Variants in TNC observed in about 807,000 individuals in gnomAD.
The protein encoded by TNC is tenascin C.
TNC carries 109 observed loss-of-function variants against 202.4 expected under a neutral mutation model. The ratio of observed to expected loss-of-function variants is 0.54; its 90% CI spans 0.46 to 0.63. The LOEUF is 0.63. Among genes scored for constraint, TNC ranks in the 30% least tolerant of loss-of-function variants. TNC has a pLI of 0.00. For synonymous variants in TNC, 1,007 were observed against 1,089.7 expected (o/e 0.92, Z 1.50); for missense variants, 2,756 against 2,833.3 (o/e 0.97, Z 0.62).
At chr9:115,058,077 T>G (rs770387087) in intron 14 of TNC, among the ~76,000 whole-genome samples, 7 of 152,234 alleles carry the variant, frequency 4.6e-5, no homozygotes, top group Admixed American at 4.6e-4. Flanking sequence ...TCTTAACTGC[T>G]GCTATGTGGG....
At chr9:115,046,311 G>A in intron 17 of TNC, 99 bp downstream of exon 17, 2 of 1,387,264 alleles carry the variant, frequency 1.4e-6, no homozygotes, top group Non-Finnish European at 2.0e-6. Flanking sequence ...CAGAGCGCCA[G>A]CCTGCCTGCA....
chr9:115,070,183 G>A (rs1833358271), intron 10 of TNC, among the ~76,000 whole-genome samples: 1 of 152,148 alleles, frequency 6.6e-6, no homozygotes, highest in South Asian at 2.1e-4. Flanking sequence ...AGTTTCACAA[G>A]GAAACCTAGA....
intron 2 of TNC, among the ~76,000 whole-genome samples, chr9:115,087,724 C>CA (rs1834902746): frequency 1.7e-5 from 2 of 121,210 alleles, no homozygotes; most frequent in African/African-American, 6.5e-5. Context: ...TTTTTTGAGA[C>CA]AGAGTCTTGC....
intron 19 of TNC, 96 bp downstream of exon 19, chr9:115,040,845 G>T: frequency 6.9e-7 from 1 of 1,439,074 alleles, no homozygotes. Context: ...GCTGAGTCAT[G>T]AGCTACAAGG....
intron 13 of TNC, among the ~76,000 whole-genome samples, chr9:115,062,679 T>G (rs1437966462): frequency 6.6e-6 from 1 of 151,504 alleles, no homozygotes; most frequent in Non-Finnish European, 1.5e-5. Context: ...ACACACTATA[T>G]ATATAAGTAT....
intron 12 of TNC, 114 bp downstream of exon 12, chr9:115,063,682 G>A: frequency 1.7e-6 from 2 of 1,152,596 alleles, no homozygotes; most frequent in African/African-American, 1.5e-5. Flanking sequence ...ATGATTCACT[G>A]GTATTTCCCC....
At chr9:115,087,669 C>T (rs1431009845) in intron 2 of TNC, among the ~76,000 whole-genome samples, 1 of 149,886 alleles carries the variant, frequency 6.7e-6, no homozygotes, top group Non-Finnish European at 1.5e-5. Context: ...ATGCATTAGG[C>T]TGGGGCTATG....
At chr9:115,054,211 G>A in intron 15 of TNC, among the ~76,000 whole-genome samples, 1 of 152,098 alleles carries the variant, frequency 6.6e-6, no homozygotes, top group East Asian at 1.9e-4. Flanking sequence ...AGGAAAGAAG[G>A]GGCTCATTTG....
intron 21 of TNC, 87 bp from the exon 22 acceptor site, chr9:115,035,421 A>G: frequency 7.0e-7 from 1 of 1,424,188 alleles, no homozygotes; most frequent in Non-Finnish European, 9.5e-7. Context: ...ACTGGGTTCA[A>G]GTCCTTTCCC....
At position 115,046,626 on chromosome 9, in the gene TNC, G is replaced by A. The variant is rs1831218065; in HGVS notation, c.4909C>T (p.Arg1637Cys). The change falls in exon 17 of 28, where the codon CGT becomes TGT. Residue 1637 changes from arginine to cysteine, a missense_variant. Around this residue, in one of 2 missense-constraint regions of TNC, gnomAD observed 2,559 missense variants for 2,546.0 expected, o/e 1.01. Coordinates refer to ENST00000350763, the MANE Select transcript of TNC (RefSeq NM_002160.4). The stretch of plus-strand genomic sequence containing the variant: ...CCTTCATCAGCTGTCCAGGACAGAC[G>A]GAAACCGTCTGGGGTGGCATCTGAA... The part of the protein sequence containing the change: ...LVSDATPDGF[R>C]LSWTADEGVF... 1 of 1,613,950 alleles carries A rather than the reference G, an allele frequency of 6.2e-7. No homozygotes were observed.
intron 9 of TNC, among the ~76,000 whole-genome samples, chr9:115,075,779 A>G (rs996428536): frequency 2.0e-5 from 3 of 152,130 alleles, no homozygotes; most frequent in Non-Finnish European, 4.4e-5. Context: ...GCGATACTCC[A>G]TCTCAACAAC....
Position 115,026,623 on chromosome 9 carries a change from T to TC in TNC, c.6241dup (p.Glu2081GlyfsTer8). Reference sequence around the variant, plus strand: ...CTTGTCATAGACAGCAAAGGCTGTCTCCCCATGGTCCCGCAGGTCCACCCG... The same window carrying TC: ...CTTGTCATAGACAGCAAAGGCTGTCTCCCCCATGGTCCCGCAGGTCCACCCG... On this transcript the variant is annotated frameshift_variant, in exon 26 of 28. Coordinates refer to ENST00000350763, the MANE Select transcript of TNC (RefSeq NM_002160.4). LOFTEE classifies it high-confidence loss of function. The TC allele has an allele frequency of 1.2e-6, 2 of 1,613,974 alleles. No individual in the cohort carries two copies. The highest frequency in any genetic ancestry group is 1.7e-6 in the Non-Finnish European group (2 of 1,179,990).
In TNC at chr9:115,026,740, G is replaced by A. The variant is rs1829514818; in HGVS notation, c.6170-45C>T. On this transcript the variant is annotated intron_variant, in intron 25 of 27. Transcript: ENST00000350763. ...GTTGCTAAGAAGCACAGGTGACTGAGGCCCTCATTTCTATTTCACTCTGTA... is the reference window on the plus strand; with the variant it reads ...GTTGCTAAGAAGCACAGGTGACTGAAGCCCTCATTTCTATTTCACTCTGTA... The A allele has an allele frequency of 1.9e-6, 3 of 1,601,180 alleles. No individual in the cohort carries two copies. In the African/African-American group the frequency reaches 4.0e-5, roughly 21 times the overall value.
At chr9:115,089,478 ATCTCTCTCTCTC>A (rs34987920) in intron 2 of TNC, among the ~76,000 whole-genome samples, 11 of 148,524 alleles carry the variant, frequency 7.4e-5, no homozygotes, top group Admixed American at 2.0e-4. Context: ...CAAAATCCCT[ATCTCTCTCTCTC>A]TCTCTCTCTC....
At chr9:115,110,170 T>C (rs1259013981) in intron 1 of TNC, among the ~76,000 whole-genome samples, 2 of 152,062 alleles carry the variant, frequency 1.3e-5, no homozygotes, top group Non-Finnish European at 2.9e-5. Context: ...GTGAAAAACA[T>C]AAAAAAGGAT....
At chr9:115,057,791 T>G (rs1486438228) in intron 14 of TNC, among the ~76,000 whole-genome samples, 1 of 152,206 alleles carries the variant, frequency 6.6e-6, no homozygotes, top group Non-Finnish European at 1.5e-5. Context: ...AAGATATGAG[T>G]CCTGGCAACT....
In TNC at chr9:115,058,560, G is replaced by A. The variant is rs538051552; in HGVS notation, c.4307-1135C>T. 5.3e-5 allele frequency among the ~76,000 whole-genome samples: 8 copies of A among 152,240 alleles called. No homozygotes were observed. In the South Asian group the frequency reaches 6.2e-4, roughly 12 times the overall value. On this transcript the variant is annotated intron_variant, in intron 14 of 27. Coordinates refer to ENST00000350763, the MANE Select transcript of TNC (RefSeq NM_002160.4). ...GTCCGGGTGCCTTCAGAGTAGCCTC[G>A]GCTGCAAATTCTAGGCATTTCAGGG...
chr9:115,071,498 T>C (rs916335632), intron 10 of TNC, among the ~76,000 whole-genome samples: 4 of 152,200 alleles, frequency 2.6e-5, no homozygotes, highest in African/African-American at 9.7e-5. Flanking sequence ...CATTACCTCC[T>C]TTCTCTAGTG....
At position 115,019,892 on chromosome 9, in the gene TNC, G is replaced by A. The variant is rs1304760839; in HGVS notation, c.*1265C>T. 6.6e-6 allele frequency: 1 copy of A among 152,222 alleles called. No individual in the cohort carries two copies. Among genetic ancestry groups the A allele is most frequent in the Non-Finnish European group, 1.5e-5 (1 of 68,036 alleles). The allele number at this position is 152,222 out of a possible 1,614,324, so 9.4% of individuals were successfully genotyped here. On this transcript the variant is annotated 3_prime_UTR_variant, in exon 28 of 28. Transcript: ENST00000350763. ...TCTGCCTCTGGGGATCTTAGCCCAT[G>A]TGTGGTAACAATACTTACCTCAACT... is the stretch of plus-strand genomic sequence containing the variant.
Sources: allele counts gnomAD v4.1 joint callset (sites outside exome capture counted in the v4.1 genomes callset), GRCh38; gene constraint gnomAD v4.1.1; regional missense constraint gnomAD v4.1.1; transcripts MANE v1.5; gene names NCBI Gene and HGNC (gene_info 2026-07-23, HGNC 2026-07-21).